The following C3orf22 variants were observed in gnomAD, a reference collection of about 807,000 sequenced individuals.
C3orf22 encodes the protein uncharacterized protein C3orf22.
Under a neutral mutation model 10.8 loss-of-function variants are expected in C3orf22, and 7 were observed. The ratio of observed to expected loss-of-function variants is 0.65; its 90% CI spans 0.37 to 1.22. The LOEUF is 1.22. C3orf22 is among the 50% of genes most tolerant of loss of function. The probability of loss-of-function intolerance (pLI) is 0.02; values close to 1 mark genes in which losing one functional copy is unlikely to be tolerated. For missense variants in C3orf22, 173 were observed against 177.0 expected (o/e 0.98, Z 0.13); for synonymous variants, 79 against 78.9 (o/e 1.00, Z 0.00).
intron 1 of C3orf22, among the ~76,000 whole-genome samples, chr3:126,554,946 T>G (rs1559755647): frequency 6.6e-6 from 1 of 152,174 alleles, no homozygotes; most frequent in Non-Finnish European, 1.5e-5. Context: ...ATGCCCTAGG[T>G]CCGTGCTGTC....
chr3:126,528,538 G>A (rs928413759), intron 5 of C3orf22, among the ~76,000 whole-genome samples: 6 of 152,176 alleles, frequency 3.9e-5, no homozygotes, highest in Non-Finnish European at 8.8e-5. Flanking sequence ...AAGGTGGGGC[G>A]AGGAGAAATA....
At position 126,554,942 on chromosome 3, in the gene C3orf22, T is replaced by G. The variant is rs74582674; in HGVS notation, c.-40-1512A>C. On this transcript the variant is annotated intron_variant, in intron 1 of 3. Transcript: ENST00000318225. ...ACTTTCTGAGATGATGGAAATGCCC[T>G]AGGTCCGTGCTGTCCGAGACGGCAG... Among the ~76,000 whole-genome samples the G allele has an allele frequency of 6.6e-3, 1,004 of 152,330 alleles. 25 individuals carry two copies. In the East Asian group the frequency reaches 0.12, roughly 18 times the overall value.
At chr3:126,544,361 C>A (rs537268745) in intron 4 of C3orf22, among the ~76,000 whole-genome samples, 249 of 152,264 alleles carry the variant, frequency 1.6e-3, no homozygotes, top group Non-Finnish European at 3.1e-3. Flanking sequence ...AAGTAAATTT[C>A]TTTTCTTTAT....
intron 2 of C3orf22, 30 bp from the exon 3 acceptor site, chr3:126,552,152 C>T (rs201219506): frequency 1.2e-6 from 2 of 1,613,022 alleles, no homozygotes; most frequent in East Asian, 4.5e-5. Flanking sequence ...GTCAACATGG[C>T]CACCATCCAC....
intron 4 of C3orf22, among the ~76,000 whole-genome samples, chr3:126,539,526 C>T (rs1261699066): frequency 6.8e-6 from 1 of 146,762 alleles, no homozygotes; most frequent in Non-Finnish European, 1.5e-5. Flanking sequence ...ACACCCCACA[C>T]CATGCACACA....
At chr3:126,532,116 G>C (rs775368671) in intron 4 of C3orf22, among the ~76,000 whole-genome samples, 1 of 152,250 alleles carries the variant, frequency 6.6e-6, no homozygotes, top group Non-Finnish European at 1.5e-5. Flanking sequence ...AAATTGAGTT[G>C]TCTTTTGTTG....
chr3:126,531,651 C>T (rs191301776), intron 4 of C3orf22, among the ~76,000 whole-genome samples: 153 of 152,310 alleles, frequency 1.0e-3, no homozygotes, highest in African/African-American at 3.1e-3. Flanking sequence ...TTCTTCATTC[C>T]TTTTATGGCC....
intron 5 of C3orf22, among the ~76,000 whole-genome samples, chr3:126,528,792 C>T (rs1332667275): frequency 2.6e-5 from 4 of 152,202 alleles, no homozygotes; most frequent in East Asian, 3.9e-4. Context: ...AGTTCTCTCC[C>T]CTAAACAGAA....
At chr3:126,531,391 G>C (rs558662467) in intron 4 of C3orf22, among the ~76,000 whole-genome samples, 4 of 152,360 alleles carry the variant, frequency 2.6e-5, no homozygotes, top group African/African-American at 7.2e-5. Context: ...TCTTCTTAGC[G>C]ACATTTATAG....
chr3:126,544,654 C>T (rs1242799840), intron 4 of C3orf22, among the ~76,000 whole-genome samples: 1 of 152,236 alleles, frequency 6.6e-6, no homozygotes. Flanking sequence ...CCGATGGGAC[C>T]TGTTTGCTGA....
At chr3:126,538,759 C>T (rs951122338) in intron 4 of C3orf22, among the ~76,000 whole-genome samples, 1 of 152,164 alleles carries the variant, frequency 6.6e-6, no homozygotes, top group Non-Finnish European at 1.5e-5. Flanking sequence ...GTCCCCATAC[C>T]CCCATGGCAT....
chr3:126,545,268 A>G (rs527549458), downstream of C3orf22, among the ~76,000 whole-genome samples: 30 of 152,302 alleles, frequency 2.0e-4, no homozygotes, highest in African/African-American at 7.2e-4. Flanking sequence ...ATTGTCTTTT[A>G]CTTCCCAGGT....
intron 4 of C3orf22, chr3:126,542,664 C>A (rs1936994756): frequency 7.2e-7 from 1 of 1,382,312 alleles, no homozygotes; most frequent in Admixed American, 3.7e-5. Context: ...GCCCCAGGAC[C>A]CCTCTTCAAG....
At chr3:126,549,398 T>C (rs1157661255), downstream of C3orf22, 2 of 386,642 alleles carry the variant, frequency 5.2e-6, no homozygotes, top group Non-Finnish European at 1.0e-5. Context: ...GAGCTGCCTC[T>C]ACATTTGAAT....
chr3:126,549,535 AC>A (rs1334253710), downstream of C3orf22: 1 of 726,234 alleles, frequency 1.4e-6, no homozygotes, highest in Non-Finnish European at 2.1e-6. Context: ...GCATTTACTT[AC>A]CTGTGTGAGT....
chr3:126,541,601 G>A, intron 4 of C3orf22: 8 of 763,694 alleles, frequency 1.0e-5, no homozygotes, highest in Non-Finnish European at 1.6e-5. Flanking sequence ...TGACAGCCCT[G>A]GGGTTCGAAT....
At position 126,542,383 on chromosome 3, in the gene C3orf22, G is replaced by A. The variant is rs111645062; in HGVS notation, c.286+7154C>T. 6.4e-4 allele frequency: 990 copies of A among 1,558,092 alleles called. 10 individuals carry two copies. The African/African-American group carries it at 0.011, about 18-fold the overall frequency. ...CGCTGGCGGAGGACGCGGCCTTCGT[G>A]CTGGGCCTGGCGGGCGCATCCGACC... On this transcript the variant is annotated intron_variant and NMD_transcript_variant, in intron 4 of 5. Transcript: ENST00000505070.
At chr3:126,557,654 A>C (rs1202657786) in intron 1 of C3orf22, among the ~76,000 whole-genome samples, 1 of 152,210 alleles carries the variant, frequency 6.6e-6, no homozygotes, top group Non-Finnish European at 1.5e-5. Context: ...TCTGTGAGCC[A>C]GAACACACCC....
At chr3:126,541,567 G>A (rs1936956585) in intron 4 of C3orf22, among the ~76,000 whole-genome samples, 1 of 152,162 alleles carries the variant, frequency 6.6e-6, no homozygotes, top group Non-Finnish European at 1.5e-5. Context: ...CAGATGCCCG[G>A]GCCCTAAACC....
Sources: gnomAD v4.1 joint callset for allele counts (sites outside exome capture counted in the v4.1 genomes callset) on GRCh38, gnomAD v4.1.1 for gene constraint, MANE v1.5 for transcripts, NCBI Gene and HGNC (gene_info 2026-07-23, HGNC 2026-07-21) for gene names.